Variants in MECOM observed in about 807,000 individuals in gnomAD.
MECOM encodes MDS1 and EVI1 complex locus.
A neutral mutation model predicts 116.3 loss-of-function variants in MECOM; 13 were observed. The observed-to-expected ratio is 0.11, with a 90% CI of 0.07 to 0.18. MECOM has a LOEUF of 0.18. MECOM is among the 10% of genes least tolerant of loss of function. MECOM has a pLI of 1.00. For missense variants in MECOM, 1,299 were observed against 1,509.0 expected (o/e 0.86, Z 2.31); for synonymous variants, 528 against 535.2 (o/e 0.99, Z 0.19).
At chr3:169,494,509 C>A (rs1207096244) in intron 1 of MECOM, among the ~76,000 whole-genome samples, 2 of 152,194 alleles carry the variant, frequency 1.3e-5, no homozygotes, top group African/African-American at 4.8e-5. Flanking sequence ...TCAAACTATT[C>A]TCAAGGTGTA....
intron 1 of MECOM, among the ~76,000 whole-genome samples, chr3:169,498,555 G>A (rs1423024997): frequency 6.6e-6 from 1 of 152,152 alleles, no homozygotes; most frequent in Non-Finnish European, 1.5e-5. Context: ...ACTGCATAAA[G>A]CCAGAGTTAA....
intron 8 of MECOM, among the ~76,000 whole-genome samples, chr3:169,113,919 C>G (rs1396760445): frequency 2.6e-5 from 4 of 151,976 alleles, no homozygotes; most frequent in African/African-American, 4.8e-5. Context: ...CTAGGTCTTT[C>G]ATGAGTTTGG....
At chr3:169,418,731 T>C (rs542468644) in intron 1 of MECOM, among the ~76,000 whole-genome samples, 1 of 152,268 alleles carries the variant, frequency 6.6e-6, no homozygotes, top group East Asian at 1.9e-4. Flanking sequence ...AAACTAGGTA[T>C]TGATGGAACA....
intron 1 of MECOM, among the ~76,000 whole-genome samples, chr3:169,598,975 T>C (rs1249397782): frequency 6.6e-6 from 1 of 152,322 alleles, no homozygotes; most frequent in Non-Finnish European, 1.5e-5. Flanking sequence ...AGAATTGTTA[T>C]TGATATGACA....
intron 1 of MECOM, among the ~76,000 whole-genome samples, chr3:169,414,181 C>T (rs1423983188): frequency 2.6e-5 from 4 of 152,198 alleles, no homozygotes; most frequent in African/African-American, 9.7e-5. Context: ...ATGAAGCTTC[C>T]AGAGGAAGGA....
chr3:169,602,172 C>T (rs943679560), intron 1 of MECOM, among the ~76,000 whole-genome samples: 1 of 152,276 alleles, frequency 6.6e-6, no homozygotes, highest in African/African-American at 2.4e-5. Flanking sequence ...AGTAAAAAAA[C>T]TTATGTATCT....
intron 2 of MECOM, among the ~76,000 whole-genome samples, chr3:169,178,100 A>G (rs1045793935): frequency 7.2e-5 from 11 of 152,204 alleles, no homozygotes; most frequent in African/African-American, 2.7e-4. Context: ...GCCTTTAGCA[A>G]TCAGCATAGT....
At chr3:169,150,926 A>G (rs558141221) in intron 2 of MECOM, among the ~76,000 whole-genome samples, 2 of 152,326 alleles carry the variant, frequency 1.3e-5, no homozygotes, top group South Asian at 2.1e-4. Context: ...TTCCTTCCCC[A>G]GCTGTGTGGA....
chr3:169,646,040 G>A (rs1219850207), intron 1 of MECOM, among the ~76,000 whole-genome samples: 1 of 152,078 alleles, frequency 6.6e-6, no homozygotes, highest in Non-Finnish European at 1.5e-5. Flanking sequence ...ATGGCTTCCA[G>A]CTTCATCCAT....
intron 2 of MECOM, among the ~76,000 whole-genome samples, chr3:169,213,973 G>T (rs532246202): frequency 6.6e-6 from 1 of 152,016 alleles, no homozygotes; most frequent in African/African-American, 2.4e-5. Context: ...TTTTTTAGGG[G>T]CTACATGGAT....
intron 1 of MECOM, among the ~76,000 whole-genome samples, chr3:169,530,265 G>A (rs1160583400): frequency 1.3e-5 from 2 of 152,102 alleles, no homozygotes; most frequent in Non-Finnish European, 1.5e-5. Flanking sequence ...CAAATTCCTG[G>A]GTGTTACTCA....
chr3:169,438,220 C>T (rs1269006204), intron 1 of MECOM, among the ~76,000 whole-genome samples: 1 of 152,154 alleles, frequency 6.6e-6, no homozygotes, highest in East Asian at 1.9e-4. Context: ...TAATAGCTGC[C>T]CAATTACAGG....
intron 2 of MECOM, among the ~76,000 whole-genome samples, chr3:169,240,989 T>C (rs1754725143): frequency 6.6e-6 from 1 of 152,188 alleles, no homozygotes; most frequent in Admixed American, 6.5e-5. Context: ...TAGCTGCAGG[T>C]GTTGCACTAA....
chr3:169,431,656 G>A (rs1455320873), intron 1 of MECOM, among the ~76,000 whole-genome samples: 1 of 152,116 alleles, frequency 6.6e-6, no homozygotes, highest in African/African-American at 2.4e-5. Context: ...ATTTTCCATG[G>A]TAAATACAAT....
chr3:169,633,084 G>A (rs1323547887), intron 1 of MECOM, among the ~76,000 whole-genome samples: 1 of 151,952 alleles, frequency 6.6e-6, no homozygotes, highest in African/African-American at 2.4e-5. Context: ...AAGCAACACT[G>A]AATCCTGTGA....
chr3:169,235,838 A>G (rs1481478287), intron 2 of MECOM, among the ~76,000 whole-genome samples: 1 of 151,834 alleles, frequency 6.6e-6, no homozygotes, highest in Non-Finnish European at 1.5e-5. Flanking sequence ...TATCTCCCAA[A>G]TCATAGGTCC....
At chr3:169,256,273 G>A (rs1001078) in intron 2 of MECOM, among the ~76,000 whole-genome samples, 2,064 of 151,458 alleles carry the variant, frequency 0.014, 17 homozygotes, top group Non-Finnish European at 0.022. Context: ...TGTAACTAAT[G>A]CAATATGATA....
At chr3:169,148,914 A>T (rs1740622877) in intron 2 of MECOM, among the ~76,000 whole-genome samples, 1 of 152,096 alleles carries the variant, frequency 6.6e-6, no homozygotes, top group Non-Finnish European at 1.5e-5. Flanking sequence ...TTTGAGAGAA[A>T]ATCGCACAGC....
intron 1 of MECOM, among the ~76,000 whole-genome samples, chr3:169,602,139 A>T (rs1394345970): frequency 6.6e-6 from 1 of 152,222 alleles, no homozygotes; most frequent in African/African-American, 2.4e-5. Context: ...ACAGAGATAT[A>T]CTCTGATTTG....
Sources: gnomAD v4.1 joint callset for allele counts (sites outside exome capture counted in the v4.1 genomes callset) on GRCh38, gnomAD v4.1.1 for gene constraint, MANE v1.5 for transcripts, NCBI Gene and HGNC (gene_info 2026-07-23, HGNC 2026-07-21) for gene names.